The following SLC16A14 variants were observed in gnomAD, a reference collection of about 807,000 sequenced individuals.
SLC16A14 encodes the protein solute carrier family 16 member 14.
SLC16A14 carries 14 observed loss-of-function variants against 35.8 expected under a neutral mutation model. The ratio of observed to expected loss-of-function variants is 0.39; its 90% confidence interval spans 0.26 to 0.61. The LOEUF (loss-of-function observed/expected upper bound fraction) is 0.61. Ranked by LOEUF, SLC16A14 falls within the 20% of genes least tolerant of loss-of-function variation. The pLI, the probability that SLC16A14 is intolerant of heterozygous loss-of-function variation, is 0.51. For synonymous variants in SLC16A14, 248 were observed against 258.9 expected (o/e 0.96, Z 0.40); for missense variants, 533 against 655.0 (o/e 0.81, Z 2.03).
At position 230,046,321 on chromosome 2, in the gene SLC16A14, C is replaced by A; in HGVS notation, c.805G>T (p.Asp269Tyr). 1 of 1,614,092 alleles carries A rather than the reference C, an allele frequency of 6.2e-7. No individual in the cohort carries two copies. The highest frequency in any genetic ancestry group is 1.1e-5 in the South Asian group (1 of 91,056). ...LCDLQAQECPDQAGHRKNMCA... is the reference protein window; with the variant it reads ...LCDLQAQECPYQAGHRKNMCA... ...ATGTTCTTCCTGTGCCCGGCCTGAT[C>A]GGGGCACTCCTGGGCTTGCAGGTCG... The change falls in exon 4 of 5, where the codon GAT becomes TAT. Residue 269 changes from aspartate to tyrosine, a missense_variant. Asp to Tyr is a radical substitution (Grantham distance 160). Coordinates refer to ENST00000295190, the MANE Select transcript of SLC16A14 (RefSeq NM_152527.5). This position sits in a 1 kb window ranked among gnomAD's most constrained non-coding sequence, Gnocchi z 5.0.
rs556174949 is a variant in SLC16A14, at chr2:230,035,256, GT to G, written c.*2123del. The G allele has an allele frequency of 3.1e-4, 48 of 152,612 alleles. No homozygotes were observed. The highest frequency in any genetic ancestry group is 1.1e-3 in the African/African-American group (47 of 41,538). 9.5% of individuals were successfully genotyped at this position (152,612 alleles called of 1,614,324 possible). A position where few individuals can be genotyped will look rare whatever the true frequency, so the allele number is the denominator to read the frequency against. On this transcript the variant is annotated 3_prime_UTR_variant, in exon 5 of 5. Coordinates refer to ENST00000295190, the MANE Select transcript of SLC16A14 (RefSeq NM_152527.5). The stretch of plus-strand genomic sequence containing the variant: ...TAGAAGTCACCACTTTCAAAACATA[GT>G]AAGTCAACACACAACTGTACAAACT...
At chr2:230,053,326 T>A (rs2077677770) in intron 2 of SLC16A14, among the ~76,000 whole-genome samples, 1 of 152,152 alleles carries the variant, frequency 6.6e-6, no homozygotes, top group African/African-American at 2.4e-5. Flanking sequence ...AGAAGTCCCC[T>A]CACAATCTAA....
At chr2:230,045,003 A>G (rs1385649250) in intron 4 of SLC16A14, among the ~76,000 whole-genome samples, 1 of 152,152 alleles carries the variant, frequency 6.6e-6, no homozygotes, top group Non-Finnish European at 1.5e-5. Context: ...GGTGTTTTGG[A>G]AATCTGTTAG....
intron 2 of SLC16A14, chr2:230,058,330 G>T (rs919632962): frequency 1.3e-5 from 2 of 151,846 alleles, no homozygotes; most frequent in African/African-American, 4.8e-5. Flanking sequence ...CAGCCAAAAT[G>T]ATCAATTTTT....
intron 4 of SLC16A14, among the ~76,000 whole-genome samples, chr2:230,040,361 A>C (rs1244474765): frequency 6.6e-6 from 1 of 151,998 alleles, no homozygotes; most frequent in African/African-American, 2.4e-5. Flanking sequence ...CTGGGATTAC[A>C]GGCGGCATGC....
intron 4 of SLC16A14, among the ~76,000 whole-genome samples, chr2:230,043,225 T>C (rs975255676): frequency 1.3e-5 from 2 of 152,026 alleles, no homozygotes; most frequent in Admixed American, 1.3e-4. Flanking sequence ...CCAGGAGGAG[T>C]CCTATATGTA....
At chr2:230,054,576 C>T (rs929100878) in intron 2 of SLC16A14, among the ~76,000 whole-genome samples, 1 of 152,148 alleles carries the variant, frequency 6.6e-6, no homozygotes, top group African/African-American at 2.4e-5. Flanking sequence ...TTGAAGTCCT[C>T]AAAATCATCT....
Position 230,035,825 on chromosome 2 carries a change from G to A in SLC16A14, c.*1555C>T, listed in dbSNP as rs1290922371. The A allele has an allele frequency of 2.0e-5, 3 of 152,106 alleles. No individual in the cohort carries two copies. Among genetic ancestry groups the A allele is most frequent in the Non-Finnish European group, 2.9e-5 (2 of 68,024 alleles). 9.4% of individuals were successfully genotyped at this position (152,106 alleles called of 1,614,324 possible). A position where few individuals can be genotyped will look rare whatever the true frequency, so the allele number is the denominator to read the frequency against. On this transcript the variant is annotated 3_prime_UTR_variant, in exon 5 of 5. Transcript: ENST00000295190. ...ACAACCACTCCCACTATACATTAGA[G>A]CAGGAAATAATGGAGATGGAACAAA... is the stretch of plus-strand genomic sequence containing the variant.
At chr2:230,067,571 T>TCTCTCTCTCA (rs1269765776) in intron 1 of SLC16A14, among the ~76,000 whole-genome samples, 38 of 143,824 alleles carry the variant, frequency 2.6e-4, no homozygotes, top group African/African-American at 9.1e-4. Flanking sequence ...TCTCTCTCTC[T>TCTCTCTCTCA]CACACACACA....
intron 1 of SLC16A14, 56 bp from the exon 2 acceptor site, chr2:230,059,422 T>C (rs1176305241): frequency 6.6e-6 from 9 of 1,372,462 alleles, no homozygotes; most frequent in Non-Finnish European, 7.9e-6. Context: ...AATATCTTCA[T>C]CTTCTTTGTG....
intron 2 of SLC16A14, among the ~76,000 whole-genome samples, chr2:230,058,028 TAA>T (rs35641768): frequency 7.4e-5 from 10 of 134,402 alleles, no homozygotes; most frequent in Admixed American, 7.2e-5. Context: ...GACTCTGTCT[TAA>T]AAAAAAAAAA....
chr2:230,061,323 C>A (rs6757096), intron 1 of SLC16A14, among the ~76,000 whole-genome samples: 72,660 of 152,040 alleles, frequency 0.48, 18,000 homozygotes, highest in African/African-American at 0.58. Context: ...AATTTCTCAT[C>A]CTTTTGTAAA....
intron 1 of SLC16A14, chr2:230,066,664 T>C (rs2077798200): frequency 2.3e-6 from 1 of 430,090 alleles, no homozygotes. Flanking sequence ...TGACAGAGTA[T>C]GGCTTTGTCG....
Position 230,059,308 on chromosome 2 carries a change from G to A in SLC16A14, c.45C>T (p.Gly15=), listed in dbSNP as rs774965050. ...HEDIGYDFED[G]PKDKKTLKPH... ...GCTTCAGTGTCTTTTTGTCTTTGGG[G>A]CCATCTTCAAAATCATACCCAATAT... The change falls in exon 2 of 5, where the codon GGC becomes GGT. Residue 15 remains glycine (G), a synonymous_variant. Transcript: ENST00000295190. 8.1e-6 allele frequency: 13 copies of A among 1,610,820 alleles called. No homozygotes were observed. In the East Asian group the frequency reaches 2.9e-4, roughly 36 times the overall value.
chr2:230,041,910 A>T (rs1008129574), intron 4 of SLC16A14, among the ~76,000 whole-genome samples: 31 of 152,214 alleles, frequency 2.0e-4, no homozygotes, highest in African/African-American at 6.0e-4. Flanking sequence ...CTGAGCCCAC[A>T]GTGCACATAA....
At chr2:230,044,712 G>GTA (rs1474853990) in intron 4 of SLC16A14, among the ~76,000 whole-genome samples, 17 of 103,264 alleles carry the variant, frequency 1.6e-4, no homozygotes, top group African/African-American at 5.7e-4. Flanking sequence ...ATTTGTGTGT[G>GTA]TGTGTGTGTG....
chr2:230,050,728 C>T (rs1369105486), intron 2 of SLC16A14, among the ~76,000 whole-genome samples: 1 of 152,164 alleles, frequency 6.6e-6, no homozygotes, highest in Non-Finnish European at 1.5e-5. Context: ...ATCTATATAA[C>T]CATATTTACC....
Position 230,059,180 on chromosome 2 carries a change from T to G in SLC16A14, c.173A>C (p.Asn58Thr). 5 of 1,614,190 alleles carry G rather than the reference T, an allele frequency of 3.1e-6. No homozygotes were observed. The highest frequency in any genetic ancestry group is 4.2e-6 in the Non-Finnish European group (5 of 1,180,034). The change falls in exon 2 of 5, where the codon AAC (asparagine) becomes ACC (threonine). Residue 58 changes from asparagine to threonine, a missense_variant. Transcript: ENST00000295190. ...MGSQMALGVL[N>T]VEWLEEFHQS... ...GTGGAATTCTTCCAGCCATTCCACG[T>G]TGAGGACACCCAGGGCCATCTGGGA...
At chr2:230,061,978 G>A (rs2077755527) in intron 1 of SLC16A14, among the ~76,000 whole-genome samples, 1 of 152,168 alleles carries the variant, frequency 6.6e-6, no homozygotes, top group South Asian at 2.1e-4. Context: ...CTGACCTCAA[G>A]TGATCCTCCT....
Sources: allele counts gnomAD v4.1 joint callset (sites outside exome capture counted in the v4.1 genomes callset), GRCh38; gene constraint gnomAD v4.1.1; non-coding constraint Gnocchi (gnomAD v3.1); transcripts MANE v1.5; gene names NCBI Gene and HGNC (gene_info 2026-07-23, HGNC 2026-07-21).